Variants in CDH22 observed in about 807,000 individuals in gnomAD.
CDH22 encodes cadherin-22.
CDH22 carries 30 observed loss-of-function variants against 58.4 expected under a neutral mutation model. The ratio of observed to expected loss-of-function variants is 0.51; its 90% CI spans 0.38 to 0.70. The LOEUF (loss-of-function observed/expected upper bound fraction) is 0.70. CDH22 is among the 30% of genes least tolerant of loss of function. The pLI, the probability that CDH22 is intolerant of heterozygous loss-of-function variation, is 0.00. For synonymous variants in CDH22, 513 were observed against 558.2 expected, an observed-to-expected ratio of 0.92 and a Z score of 1.14; for missense variants, 1,014 against 1,233.9, an observed-to-expected ratio of 0.82 and a Z score of 2.67.
At chr20:46,223,614 T>TTTTC (rs912037380) in intron 4 of CDH22, among the ~76,000 whole-genome samples, 1 of 149,136 alleles carries the variant, frequency 6.7e-6, no homozygotes, top group Non-Finnish European at 1.5e-5. Flanking sequence ...ATTTCTTTCT[T>TTTTC]TTTCTTTCTT....
At chr20:46,181,760 T>TTTC (rs1301857063) in intron 10 of CDH22, among the ~76,000 whole-genome samples, 18 of 31,400 alleles carry the variant, frequency 5.7e-4, no homozygotes, top group African/African-American at 2.7e-3. Flanking sequence ...TCCTTCTTTC[T>TTTC]TTCTTTCTTT....
chr20:46,178,716 T>C (rs548409633), intron 10 of CDH22, among the ~76,000 whole-genome samples: 3 of 151,512 alleles, frequency 2.0e-5, no homozygotes, highest in Non-Finnish European at 4.4e-5. Flanking sequence ...TGTTGGGCCC[T>C]GACAAGTCCT....
At chr20:46,196,893 C>A (rs1469340944) in intron 8 of CDH22, among the ~76,000 whole-genome samples, 1 of 152,196 alleles carries the variant, frequency 6.6e-6, no homozygotes, top group Non-Finnish European at 1.5e-5. Flanking sequence ...ATCCTCCCAC[C>A]AGCTCTCTGA....
At chr20:46,285,090 G>A (rs1043567838) in intron 1 of CDH22, among the ~76,000 whole-genome samples, 1 of 152,150 alleles carries the variant, frequency 6.6e-6, no homozygotes, top group Non-Finnish European at 1.5e-5. Context: ...TGTACCTGGT[G>A]GGGACTCATT....
At chr20:46,283,327 C>T (rs2086559362) in intron 1 of CDH22, among the ~76,000 whole-genome samples, 1 of 152,162 alleles carries the variant, frequency 6.6e-6, no homozygotes, top group South Asian at 2.1e-4. Context: ...TACACAGACT[C>T]AGATTCCGAT....
intron 8 of CDH22, among the ~76,000 whole-genome samples, chr20:46,195,419 G>C (rs1442474237): frequency 6.6e-6 from 1 of 152,244 alleles, no homozygotes; most frequent in Non-Finnish European, 1.5e-5. Flanking sequence ...AAAGCAGGGT[G>C]CTGTGAGACG....
chr20:46,183,540 T>G (rs1318756089), intron 10 of CDH22, among the ~76,000 whole-genome samples: 1 of 152,218 alleles, frequency 6.6e-6, no homozygotes, highest in Non-Finnish European at 1.5e-5. Flanking sequence ...GTGATTCTCC[T>G]GCCTCAGCTT....
intron 11 of CDH22, among the ~76,000 whole-genome samples, chr20:46,176,155 G>A (rs1401539399): frequency 6.6e-6 from 1 of 152,050 alleles, no homozygotes; most frequent in African/African-American, 2.4e-5. Context: ...GATGTCCTAG[G>A]ATTCAGACCT....
At chr20:46,286,430 G>A (rs537227230) in intron 1 of CDH22, among the ~76,000 whole-genome samples, 5 of 152,276 alleles carry the variant, frequency 3.3e-5, no homozygotes, top group East Asian at 1.9e-4. Flanking sequence ...ACCAGGGCGC[G>A]TTATTGCCCA....
chr20:46,243,324 C>A (rs2086305373), intron 2 of CDH22, among the ~76,000 whole-genome samples: 1 of 152,352 alleles, frequency 6.6e-6, no homozygotes, highest in South Asian at 2.1e-4. Context: ...TTTCATATTT[C>A]ATTAGCCGAT....
rs118123054 is a variant in CDH22, at chr20:46,280,209, C to G, written c.-400+28046G>C. Among the ~76,000 whole-genome samples, 1,275 of 152,238 alleles carry G rather than the reference C, an allele frequency of 8.4e-3. 18 individuals carry two copies. The highest frequency in any genetic ancestry group is 0.025 in the Admixed American group (376 of 15,296). On this transcript the variant is annotated intron_variant, in intron 1 of 11. Coordinates refer to ENST00000537909, the MANE Select transcript of CDH22 (RefSeq NM_021248.3). The stretch of plus-strand genomic sequence containing the variant: ...CCGAGGTGGGCATATCACTTGAGCT[C>G]AGGTGTTTGAGACCAGCCTGATCAA...
chr20:46,277,771 T>C (rs1482154985), intron 1 of CDH22, among the ~76,000 whole-genome samples: 1 of 151,660 alleles, frequency 6.6e-6, no homozygotes, highest in African/African-American at 2.4e-5. Context: ...ACCTGTGACC[T>C]GGTGATGGTT....
chr20:46,291,671 C>T (rs924138843), intron 1 of CDH22, among the ~76,000 whole-genome samples: 1 of 152,218 alleles, frequency 6.6e-6, no homozygotes, highest in South Asian at 2.1e-4. Flanking sequence ...GAGAGGTGAA[C>T]GACCTCTCAA....
chr20:46,175,737 TGGATCCTGGCAC>T (rs1275500615), intron 11 of CDH22, among the ~76,000 whole-genome samples: 3 of 152,184 alleles, frequency 2.0e-5, no homozygotes, highest in Non-Finnish European at 4.4e-5. Flanking sequence ...TGCAGACCCT[TGGATCCTGGCAC>T]GGATCTTGTG....
At chr20:46,274,837 A>G (rs1568680840) in intron 1 of CDH22, among the ~76,000 whole-genome samples, 1 of 151,932 alleles carries the variant, frequency 6.6e-6, no homozygotes, top group African/African-American at 2.4e-5. Flanking sequence ...CAAAAAAAAA[A>G]AAACCAAAAA....
intron 1 of CDH22, among the ~76,000 whole-genome samples, chr20:46,285,303 A>G (rs1181383172): frequency 6.6e-6 from 1 of 152,182 alleles, no homozygotes; most frequent in Non-Finnish European, 1.5e-5. Context: ...TCACAGGCCA[A>G]GTCTCCCCCA....
chr20:46,210,105 T>C lies in CDH22; in HGVS notation c.1286+202A>G. 2.1e-6 allele frequency: 1 copy of C among 485,124 alleles called. No homozygotes were observed. The highest frequency in any genetic ancestry group is 3.7e-5 in the South Asian group (1 of 26,692). The allele number at this position is 485,124 out of a possible 1,614,324, so 30.1% of individuals were successfully genotyped here. On this transcript the variant is annotated intron_variant, in intron 7 of 11. Transcript: ENST00000537909. The surrounding 1 kb of genome is among the most constrained non-coding windows in gnomAD (Gnocchi z 4.5). ...GCTCGCCTGCCTGTCTCATTGACTG[T>C]TCTCACATCTGCTTCCTTGGCTCTT...
intron 8 of CDH22, among the ~76,000 whole-genome samples, chr20:46,196,072 G>A (rs1490016919): frequency 2.0e-5 from 3 of 152,152 alleles, no homozygotes; most frequent in South Asian, 2.1e-4. Flanking sequence ...GGGCAGACCC[G>A]ATGGCCATGC....
At chr20:46,247,978 C>T (rs1241005614) in intron 2 of CDH22, among the ~76,000 whole-genome samples, 1 of 152,080 alleles carries the variant, frequency 6.6e-6, no homozygotes, top group Admixed American at 6.5e-5. Context: ...CAGAAAGGGC[C>T]CTGGGCCCAG....
Sources: allele counts gnomAD v4.1 joint callset (sites outside exome capture counted in the v4.1 genomes callset), GRCh38; gene constraint gnomAD v4.1.1; non-coding constraint Gnocchi (gnomAD v3.1); transcripts MANE v1.5; gene names NCBI Gene and HGNC (gene_info 2026-07-23, HGNC 2026-07-21).